BRD3: variants seen among roughly 807,000 people sequenced by gnomAD.
BRD3 encodes bromodomain-containing protein 3.
A neutral mutation model predicts 66.8 loss-of-function variants in BRD3; 17 were observed. The ratio of observed to expected loss-of-function variants is 0.25; its 90% CI spans 0.17 to 0.38. The LOEUF is 0.38. Among genes scored for constraint, BRD3 ranks in the 10% least tolerant of loss-of-function variants. The pLI, the probability that BRD3 is intolerant of heterozygous loss-of-function variation, is 1.00. For synonymous variants in BRD3, 421 were observed against 393.2 expected (o/e 1.07, Z -0.84); for missense variants, 713 against 956.1 (o/e 0.75, Z 3.35).
intron 9 of BRD3, among the ~76,000 whole-genome samples, chr9:134,039,309 C>A (rs963898172): frequency 6.6e-6 from 1 of 152,264 alleles, no homozygotes; most frequent in South Asian, 2.1e-4. Flanking sequence ...ACAAAGCCGG[C>A]TGATCTCAGC....
chr9:134,034,435 C>A (rs1843566251), intron 11 of BRD3: 1 of 457,946 alleles, frequency 2.2e-6, no homozygotes, highest in Non-Finnish European at 3.9e-6. Context: ...GAGCCCTCTC[C>A]TGGGGGGTCC....
chr9:134,034,043 C>T (rs1843559255), intron 11 of BRD3, among the ~76,000 whole-genome samples: 1 of 152,116 alleles, frequency 6.6e-6, no homozygotes, highest in South Asian at 2.1e-4. Context: ...CTGGGGCGTC[C>T]AAAGAGTGAC....
Position 134,052,291 on chromosome 9 carries a change from C to T in BRD3, c.351+15G>A, listed in dbSNP as rs549861415. The T allele has an allele frequency of 6.2e-7, 1 of 1,610,950 alleles. No homozygotes were observed. The highest frequency in any genetic ancestry group is 1.3e-5 in the African/African-American group (1 of 74,942). ...TCCTTACTGCAAGCGGCGTGCCAGG[C>T]CCGCATCTTCTTACCTTGTTATAAA... On this transcript the variant is annotated intron_variant, in intron 3 of 11. Coordinates refer to ENST00000303407, the MANE Select transcript of BRD3 (RefSeq NM_007371.4).
intron 3 of BRD3, among the ~76,000 whole-genome samples, 164 bp from the exon 4 acceptor site, chr9:134,051,873 GTGTGTTGTTTTTTTTGT>G (rs1830308307): frequency 1.1e-4 from 12 of 106,486 alleles, no homozygotes; most frequent in African/African-American, 5.3e-4. Flanking sequence ...GTGTGTGTGT[GTGTGTTGTTTTTTTTGT>G]TTTTTTTTTT....
Position 134,036,110 on chromosome 9 carries a change from T to A in BRD3, c.1858A>T (p.Thr620Ser). Residue 620 changes from threonine (T) to serine (S), a missense_variant, in exon 10 of 12, where the codon ACT (threonine) becomes TCT (serine). Transcript: ENST00000303407. ...TCCCGCAAAGTGGTGGGTTTCAGAG[T>A]CTCAAAGTCAATTTCTATCTCGTCG... is the stretch of plus-strand genomic sequence containing the variant. ...NPDEIEIDFE[T>S]LKPTTLRELE... The A allele has an allele frequency of 2.5e-6, 4 of 1,614,062 alleles. No homozygotes were observed. Among genetic ancestry groups the A allele is most frequent in the Non-Finnish European group, 3.4e-6 (4 of 1,179,972 alleles).
intron 8 of BRD3, among the ~76,000 whole-genome samples, chr9:134,041,024 C>T (rs370185729): frequency 3.4e-4 from 52 of 152,342 alleles, no homozygotes; most frequent in African/African-American, 1.2e-3. Flanking sequence ...TGCCACCTCA[C>T]AGCCGTCTTC....
intron 7 of BRD3, among the ~76,000 whole-genome samples, chr9:134,042,530 G>C (rs576759120): frequency 3.9e-5 from 6 of 152,082 alleles, no homozygotes; most frequent in African/African-American, 1.4e-4. Flanking sequence ...CTAGCTGCTC[G>C]GGAGGCTGCG....
At chr9:134,034,855 G>T in intron 10 of BRD3, 26 bp from the exon 11 acceptor site, 1 of 1,609,746 alleles carries the variant, frequency 6.2e-7, no homozygotes, top group South Asian at 1.1e-5. Flanking sequence ...TGGGCACTCA[G>T]ACTGCAGAGC....
Position 134,031,205 on chromosome 9 carries a change from G to T in BRD3, c.*2385C>A. ...GGCGAGCCGACGCCACCGTCACAGA[G>T]AACCAGCCGAGAAGGAAAGGCCCCA... On this transcript the variant is annotated 3_prime_UTR_variant, in exon 12 of 12. Coordinates refer to ENST00000303407, the MANE Select transcript of BRD3 (RefSeq NM_007371.4). 4.5e-6 allele frequency: 1 copy of T among 220,454 alleles called. No homozygotes were observed. Among genetic ancestry groups the T allele is most frequent in the Non-Finnish European group, 9.1e-6 (1 of 109,952 alleles). 13.7% of individuals were successfully genotyped at this position (220,454 alleles called of 1,614,324 possible).
chr9:134,065,487 T>C (rs1830631951), intron 1 of BRD3, among the ~76,000 whole-genome samples: 1 of 150,698 alleles, frequency 6.6e-6, no homozygotes. Flanking sequence ...GTCAGGTCAG[T>C]TATACTTTGA....
intron 1 of BRD3, among the ~76,000 whole-genome samples, chr9:134,055,299 G>T (rs1455514107): frequency 6.6e-6 from 1 of 152,174 alleles, no homozygotes. Flanking sequence ...GGGGCTCCAC[G>T]TGACTCAGAG....
chr9:134,062,555 A>G (rs1830566810), intron 1 of BRD3, among the ~76,000 whole-genome samples: 2 of 151,908 alleles, frequency 1.3e-5, no homozygotes, highest in Admixed American at 6.6e-5. Flanking sequence ...CCTTCCTGCC[A>G]TGACGCCCCC....
intron 8 of BRD3, among the ~76,000 whole-genome samples, chr9:134,041,441 A>C (rs1564549801): frequency 2.6e-5 from 4 of 152,160 alleles, no homozygotes; most frequent in African/African-American, 7.2e-5. Flanking sequence ...TGGCCTCTGC[A>C]AGTGCCTCAC....
rs1371216992 is a variant in BRD3, at chr9:134,033,907, A to G, written c.2066-202T>C. 1.3e-5 allele frequency among the ~76,000 whole-genome samples: 2 copies of G among 152,222 alleles called. No homozygotes were observed. The highest frequency in any genetic ancestry group is 4.8e-5 in the African/African-American group (2 of 41,462). On this transcript the variant is annotated intron_variant, in intron 11 of 11. Transcript: ENST00000303407. This position sits in a 1 kb window ranked among gnomAD's most constrained non-coding sequence, Gnocchi z 5.1. Reference sequence around the variant, plus strand: ...TATACTTGAGACAGGAAAAAAATGAATGCAGACTACTAACAGGAAATGATG... The same window carrying G: ...TATACTTGAGACAGGAAAAAAATGAGTGCAGACTACTAACAGGAAATGATG...
upstream of BRD3, chr9:134,068,149 C>G (rs1830713024): frequency 7.0e-6 from 1 of 143,730 alleles, no homozygotes; most frequent in African/African-American, 2.5e-5. Flanking sequence ...GACTACATGT[C>G]CCGGCCCCGC....
chr9:134,065,681 T>C (rs968938251), intron 1 of BRD3, among the ~76,000 whole-genome samples: 1 of 152,114 alleles, frequency 6.6e-6, no homozygotes, highest in Non-Finnish European at 1.5e-5. Flanking sequence ...AAAACATGGC[T>C]CTTCCCATCG....
In BRD3 at chr9:134,048,441, T is replaced by C; in HGVS notation, c.728A>G (p.Lys243Arg). 6.3e-7 allele frequency: 1 copy of C among 1,598,524 alleles called. No individual in the cohort carries two copies. The highest frequency in any genetic ancestry group is 8.5e-7 in the Non-Finnish European group (1 of 1,179,892). Residue 243 changes from lysine (K) to arginine (R), a missense_variant, in exon 6 of 12, where the codon AAG becomes AGG. Around this residue, in one of 5 missense-constraint regions of BRD3, gnomAD observed 418 missense variants for 609.3 expected, o/e 0.69. Coordinates refer to ENST00000303407, the MANE Select transcript of BRD3 (RefSeq NM_007371.4). ...TPPVVKKKGVKRKADTTTPTT... is the reference protein window; with the variant it reads ...TPPVVKKKGVRRKADTTTPTT... ...GGGAGTGGTTGTGTCTGCTTTCCGC[T>C]TCACGCCCTTTTTCTGCGACAGTGA...
At chr9:134,064,379 A>G (rs1374063341) in intron 1 of BRD3, among the ~76,000 whole-genome samples, 5 of 132,172 alleles carry the variant, frequency 3.8e-5, no homozygotes, top group African/African-American at 1.1e-4. Flanking sequence ...AAATTAAAAA[A>G]AATTAAAAAA....
At position 134,032,072 on chromosome 9, in the gene BRD3, G is replaced by C. The variant is rs1003510175; in HGVS notation, c.*1518C>G. 4.6e-6 allele frequency: 1 copy of C among 218,910 alleles called. No individual in the cohort carries two copies. Among genetic ancestry groups the C allele is most frequent in the Admixed American group, 5.8e-5 (1 of 17,272 alleles). The allele number at this position is 218,910 out of a possible 1,614,324, so 13.6% of individuals were successfully genotyped here. A position where few individuals can be genotyped will look rare whatever the true frequency, so the allele number is the denominator to read the frequency against. ...AGCAGGCATGTCCACCCGCAAGCCT[G>C]GGAGGCTAACTCTGGCATTCCTGGC... On this transcript the variant is annotated 3_prime_UTR_variant, in exon 12 of 12. Transcript: ENST00000303407.
Sources: allele counts gnomAD v4.1 joint callset (sites outside exome capture counted in the v4.1 genomes callset), GRCh38; gene constraint gnomAD v4.1.1; regional missense constraint gnomAD v4.1.1; non-coding constraint Gnocchi (gnomAD v3.1); transcripts MANE v1.5; gene names NCBI Gene and HGNC (gene_info 2026-07-23, HGNC 2026-07-21).